The following CLMN variants were observed in gnomAD, a reference collection of about 807,000 sequenced individuals.
CLMN encodes the protein calmin.
A neutral mutation model predicts 92.7 loss-of-function variants in CLMN; 57 were observed. The observed-to-expected ratio is 0.61, with a 90% CI of 0.50 to 0.77. The LOEUF is 0.77. Among genes scored for constraint, CLMN ranks in the 30% least tolerant of loss-of-function variants. CLMN has a pLI of 0.00. For synonymous variants in CLMN, 466 were observed against 470.6 expected, an observed-to-expected ratio of 0.99 and a Z score of 0.13; for missense variants, 1,158 against 1,237.5, an observed-to-expected ratio of 0.94 and a Z score of 0.96.
intron 1 of CLMN, among the ~76,000 whole-genome samples, chr14:95,277,779 C>G (rs995969186): frequency 1.3e-5 from 2 of 152,168 alleles, no homozygotes; most frequent in Non-Finnish European, 2.9e-5. Flanking sequence ...AGGTGCCCAC[C>G]ACCACACCTG....
chr14:95,249,187 G>A (rs1793993037), intron 1 of CLMN, among the ~76,000 whole-genome samples: 1 of 152,214 alleles, frequency 6.6e-6, no homozygotes, highest in South Asian at 2.1e-4. Context: ...AAGGTATGCT[G>A]CATAGTGGAC....
intron 8 of CLMN, among the ~76,000 whole-genome samples, chr14:95,206,083 GA>G (rs559914166): frequency 1.3e-5 from 2 of 151,956 alleles, no homozygotes; most frequent in Non-Finnish European, 2.9e-5. Flanking sequence ...ACACTGAAAG[GA>G]AAAAAATGGA....
intron 1 of CLMN, among the ~76,000 whole-genome samples, chr14:95,309,842 G>T (rs17191128): frequency 6.6e-6 from 1 of 151,940 alleles, no homozygotes; most frequent in African/African-American, 2.4e-5. Context: ...ATTTACTTGC[G>T]TATGAGATTC....
chr14:95,286,277 T>C (rs1900337914), intron 1 of CLMN, among the ~76,000 whole-genome samples: 1 of 152,172 alleles, frequency 6.6e-6, no homozygotes, highest in Non-Finnish European at 1.5e-5. Flanking sequence ...CAAGAGGTAA[T>C]AGCCATACAA....
chr14:95,209,430 C>T lies in CLMN; in HGVS notation c.850G>A (p.Ala284Thr). 1.2e-6 allele frequency: 2 copies of T among 1,614,098 alleles called. No homozygotes were observed. The highest frequency in any genetic ancestry group is 1.7e-6 in the Non-Finnish European group (2 of 1,179,978). ...TCCGGAAAACGTTCTAGAAACTGTG[C>T]CACGTAAGTCATGATAGACTGCTCG... is the stretch of plus-strand genomic sequence containing the variant. ...PDEQSIMTYV[A>T]QFLERFPELE... The change falls in exon 8 of 13, where the codon GCA (alanine) becomes ACA (threonine). Residue 284 changes from alanine to threonine, a missense_variant. Transcript: ENST00000298912.
intron 3 of CLMN, among the ~76,000 whole-genome samples, chr14:95,223,413 T>C (rs1417610862): frequency 4.6e-5 from 7 of 152,218 alleles, no homozygotes; most frequent in African/African-American, 1.7e-4. Flanking sequence ...TTAGGGTGGT[T>C]GATAAAAGGC....
intron 1 of CLMN, among the ~76,000 whole-genome samples, chr14:95,244,894 C>A (rs1898401625): frequency 6.6e-6 from 1 of 151,452 alleles, no homozygotes; most frequent in Non-Finnish European, 1.5e-5. Flanking sequence ...ACAGGAATCT[C>A]ATAACCACCT....
chr14:95,187,739 G>C lies in CLMN; in HGVS notation c.*3825C>G, dbSNP rs1332135249. The C allele has an allele frequency of 6.6e-6, 1 of 152,280 alleles. No individual in the cohort carries two copies. The highest frequency in any genetic ancestry group is 1.5e-5 in the Non-Finnish European group (1 of 68,070). 9.4% of individuals were successfully genotyped at this position (152,280 alleles called of 1,614,324 possible). A position where few individuals can be genotyped will look rare whatever the true frequency, so the allele number is the denominator to read the frequency against. ...ACTCGGGCACACTGAGTATAGACCA[G>C]GGTCTCTGGATATGGTCCTACAGTT... On this transcript the variant is annotated 3_prime_UTR_variant, in exon 13 of 13. Coordinates refer to ENST00000298912, the MANE Select transcript of CLMN (RefSeq NM_024734.4).
chr14:95,268,182 G>T (rs1431380996), intron 1 of CLMN, among the ~76,000 whole-genome samples: 16 of 152,104 alleles, frequency 1.1e-4, no homozygotes, highest in Non-Finnish European at 2.4e-4. Flanking sequence ...GAAGCACAAA[G>T]AGAAGATAAA....
In CLMN at chr14:95,185,745, A is replaced by ACCC. The variant is rs1274228571; in HGVS notation, c.*5816_*5818dup. The stretch of plus-strand genomic sequence containing the variant: ...AATACCGGCGGGGAATGCAGTGGAG[A>ACCC]CCCCCAGGAAGGTGTCTCCAAGCAG... On this transcript the variant is annotated 3_prime_UTR_variant, in exon 13 of 13. Coordinates refer to ENST00000298912, the MANE Select transcript of CLMN (RefSeq NM_024734.4). The ACCC allele has an allele frequency of 6.6e-6, 1 of 151,712 alleles. No individual in the cohort carries two copies. The highest frequency in any genetic ancestry group is 1.5e-5 in the Non-Finnish European group (1 of 67,948). 9.4% of individuals were successfully genotyped at this position (151,712 alleles called of 1,614,324 possible). A position where few individuals can be genotyped will look rare whatever the true frequency, so the allele number is the denominator to read the frequency against.
At chr14:95,316,014 T>C (rs948231070) in intron 1 of CLMN, among the ~76,000 whole-genome samples, 1 of 152,102 alleles carries the variant, frequency 6.6e-6, no homozygotes, top group Non-Finnish European at 1.5e-5. Flanking sequence ...TGTCCAACAG[T>C]ACAGTGACCC....
chr14:95,207,318 C>A (rs536711938), intron 8 of CLMN, among the ~76,000 whole-genome samples: 2 of 152,240 alleles, frequency 1.3e-5, no homozygotes, highest in South Asian at 4.1e-4. Context: ...TGGGGTCTCG[C>A]TTTGTTGCCC....
At chr14:95,196,721 G>A (rs566795311) in intron 9 of CLMN, 27 bp from the exon 10 acceptor site, 1 of 1,604,870 alleles carries the variant, frequency 6.2e-7, no homozygotes, top group Admixed American at 1.7e-5. Context: ...CCAAATCCAA[G>A]TCAGTATGTC....
intron 1 of CLMN, among the ~76,000 whole-genome samples, chr14:95,305,304 A>G (rs576582580): frequency 6.6e-6 from 1 of 152,348 alleles, no homozygotes; most frequent in Admixed American, 6.5e-5. Flanking sequence ...CCAACTAGCC[A>G]TTTGGCTCCA....
chr14:95,225,725 A>G (rs556701549), intron 2 of CLMN, among the ~76,000 whole-genome samples: 6 of 152,272 alleles, frequency 3.9e-5, no homozygotes, highest in African/African-American at 1.4e-4. Flanking sequence ...CCCGTAGACT[A>G]CTTCCTTCTC....
chr14:95,225,387 A>G (rs1025657000), intron 2 of CLMN, among the ~76,000 whole-genome samples: 66 of 152,214 alleles, frequency 4.3e-4, no homozygotes, highest in African/African-American at 1.4e-3. Context: ...CTTGTCTGCA[A>G]TGTCAGGTGA....
intron 1 of CLMN, among the ~76,000 whole-genome samples, chr14:95,231,142 C>T (rs564591646): frequency 2.6e-5 from 4 of 151,992 alleles, no homozygotes; most frequent in Admixed American, 6.6e-5. Flanking sequence ...GCGAGCATCA[C>T]GGCCTGAGCT....
chr14:95,272,609 C>A (rs1330161963), intron 1 of CLMN, among the ~76,000 whole-genome samples: 2 of 152,188 alleles, frequency 1.3e-5, no homozygotes, highest in African/African-American at 4.8e-5. Flanking sequence ...TACGACAATA[C>A]ACCAGCCATA....
intron 2 of CLMN, among the ~76,000 whole-genome samples, chr14:95,226,231 C>T (rs912922465): frequency 6.6e-6 from 1 of 152,204 alleles, no homozygotes; most frequent in African/African-American, 2.4e-5. Context: ...AATCTATGCA[C>T]ATCCTCCCAT....
Sources: allele counts gnomAD v4.1 joint callset (sites outside exome capture counted in the v4.1 genomes callset), GRCh38; gene constraint gnomAD v4.1.1; transcripts MANE v1.5; gene names NCBI Gene and HGNC (gene_info 2026-07-23, HGNC 2026-07-21).